LINGO1: variants seen among roughly 807,000 people sequenced by gnomAD.
LINGO1 encodes leucine-rich repeat and immunoglobulin-like domain-containing nogo receptor-interacting protein 1.
In LINGO1, 11 loss-of-function variants were observed where a neutral mutation model predicts 37.3. The observed-to-expected ratio is 0.29, with a 90% CI of 0.19 to 0.49. LINGO1 has a LOEUF of 0.49. Ranked by LOEUF, LINGO1 falls within the 20% of genes least tolerant of loss-of-function variation. The pLI is 0.99. For missense variants in LINGO1, 585 were observed against 878.2 expected (o/e 0.67, Z 4.22); for synonymous variants, 387 against 403.0 (o/e 0.96, Z 0.48).
At chr15:77,654,928 G>A (rs753389809) in intron 3 of LINGO1, among the ~76,000 whole-genome samples, 11 of 152,142 alleles carry the variant, frequency 7.2e-5, no homozygotes, top group East Asian at 1.9e-4. Flanking sequence ...GATGCTCCAC[G>A]CCCCCGCCCT....
intron 1 of LINGO1, among the ~76,000 whole-genome samples, chr15:77,807,621 C>A (rs893683844): frequency 6.6e-6 from 1 of 152,240 alleles, no homozygotes; most frequent in African/African-American, 2.4e-5. Flanking sequence ...CTCCCAGGAC[C>A]ACAGCAGCAG....
intron 1 of LINGO1, among the ~76,000 whole-genome samples, chr15:77,817,692 G>A (rs1293378981): frequency 6.6e-6 from 1 of 152,126 alleles, no homozygotes; most frequent in Non-Finnish European, 1.5e-5. Flanking sequence ...GCAGGAGCCC[G>A]CCTGCCAGGT....
chr15:77,758,721 A>C (rs2076445083), intron 1 of LINGO1, among the ~76,000 whole-genome samples: 1 of 152,118 alleles, frequency 6.6e-6, no homozygotes, highest in Non-Finnish European at 1.5e-5. Flanking sequence ...CATCTGAAAA[A>C]CAATGAGACT....
At chr15:77,766,142 G>A (rs28498563) in intron 1 of LINGO1, among the ~76,000 whole-genome samples, 4,946 of 151,934 alleles carry the variant, frequency 0.033, 264 homozygotes, top group African/African-American at 0.11. Context: ...AAAAACAAGT[G>A]GCTGGGTCAG....
intron 1 of LINGO1, among the ~76,000 whole-genome samples, chr15:77,692,788 G>A (rs2075626715): frequency 6.6e-6 from 1 of 152,214 alleles, no homozygotes; most frequent in South Asian, 2.1e-4. Flanking sequence ...GCTGCCTGCA[G>A]TGCTCCAGCC....
In LINGO1 at chr15:77,682,277, AGTGTGTGTGT is replaced by A. The variant is rs10581838; in HGVS notation, c.-98-5113_-98-5104del. 7.9e-5 allele frequency among the ~76,000 whole-genome samples: 11 copies of A among 139,832 alleles called. No homozygotes were observed. In the South Asian group the frequency reaches 2.7e-3, roughly 34 times the overall value. 91.7% of individuals were successfully genotyped at this position (139,832 alleles called of 152,430 possible). On this transcript the variant is annotated intron_variant, in intron 2 of 3. Transcript: ENST00000559893. ...ATACTCATATGGCAGTAGAGATTAAAGTGTGTGTGTGTGTGTGTGTGTGTGTGTGTGTGTG... is the reference window on the plus strand; with the variant it reads ...ATACTCATATGGCAGTAGAGATTAAAGTGTGTGTGTGTGTGTGTGTGTGTG...
intron 3 of LINGO1, among the ~76,000 whole-genome samples, chr15:77,653,007 G>T (rs559798619): frequency 1.3e-5 from 2 of 152,352 alleles, no homozygotes; most frequent in Non-Finnish European, 2.9e-5. Flanking sequence ...AGCCACCTCA[G>T]ATTGGGAAGG....
At chr15:77,800,517 C>T (rs2076909697) in intron 1 of LINGO1, among the ~76,000 whole-genome samples, 2 of 152,194 alleles carry the variant, frequency 1.3e-5, no homozygotes, top group Admixed American at 6.6e-5. Flanking sequence ...CACCCCTCCC[C>T]TCCCCCAGAG....
At chr15:77,660,940 C>T (rs145520415) in intron 3 of LINGO1, among the ~76,000 whole-genome samples, 4 of 152,240 alleles carry the variant, frequency 2.6e-5, no homozygotes, top group Non-Finnish European at 4.4e-5. Context: ...CTGGGCACTG[C>T]AGGGAGAGTT....
At chr15:77,794,290 GTATGTATATATATACATA>G in intron 2 of LINGO1, among the ~76,000 whole-genome samples, 1 of 71,576 alleles carries the variant, frequency 1.4e-5, no homozygotes, top group African/African-American at 4.9e-5. Context: ...ATATATATAT[GTATGTATATATATACATA>G]TATGTGTATA....
Position 77,810,006 on chromosome 15 carries a change from A to C in LINGO1, c.-458+10252T>G, listed in dbSNP as rs2076990536. On this transcript the variant is annotated intron_variant, in intron 1 of 5. Transcript: ENST00000562933. Reference sequence around the variant, plus strand: ...CTCCCACTCTGGCTGCCTTTCTCCCAGTGGCCTCTCCCACCCTCCTCCCCC... The same window carrying C: ...CTCCCACTCTGGCTGCCTTTCTCCCCGTGGCCTCTCCCACCCTCCTCCCCC... 2.6e-5 allele frequency among the ~76,000 whole-genome samples: 4 copies of C among 151,812 alleles called. No homozygotes were observed. In the South Asian group the frequency reaches 8.3e-4, roughly 32 times the overall value.
intron 2 of LINGO1, among the ~76,000 whole-genome samples, chr15:77,728,174 G>A (rs2076121202): frequency 1.3e-5 from 2 of 152,198 alleles, no homozygotes; most frequent in Admixed American, 1.3e-4. Context: ...TCCTGGCCCG[G>A]CCAGGTCTGG....
At chr15:77,636,631 G>C (rs781229441), upstream of LINGO1, among the ~76,000 whole-genome samples, 1 of 152,084 alleles carries the variant, frequency 6.6e-6, no homozygotes, top group East Asian at 1.9e-4. Context: ...TGACCTTGAG[G>C]GGGTCACAGC....
At chr15:77,817,024 A>G (rs2077053723) in intron 1 of LINGO1, among the ~76,000 whole-genome samples, 1 of 132,780 alleles carries the variant, frequency 7.5e-6, no homozygotes, top group Non-Finnish European at 1.7e-5. Flanking sequence ...GGCCATGATC[A>G]GCCAGAGCCA....
upstream of LINGO1, among the ~76,000 whole-genome samples, chr15:77,701,453 C>T (rs1175122566): frequency 6.6e-6 from 1 of 152,094 alleles, no homozygotes; most frequent in Admixed American, 6.5e-5. Flanking sequence ...GGGTGGGAAC[C>T]CCGGAGGCCC....
intron 3 of LINGO1, among the ~76,000 whole-genome samples, chr15:77,658,036 C>T (rs906334574): frequency 3.3e-5 from 5 of 152,174 alleles, no homozygotes; most frequent in Non-Finnish European, 7.3e-5. Context: ...GCTTGGCAGT[C>T]GGCACCATCA....
rs144893060 is a variant in LINGO1 at position 77,659,154 on chromosome 15, C to T, written c.-13+17935G>A. On this transcript the variant is annotated intron_variant, in intron 3 of 3. Transcript: ENST00000559893. The stretch of plus-strand genomic sequence containing the variant: ...CGTAGGGCAATGGGAGCCACTGAAG[C>T]GTATAAGCAGGGCTTGATGGGGTTA... Among the ~76,000 whole-genome samples the T allele has an allele frequency of 3.2e-3, 488 of 152,224 alleles. 3 individuals carry two copies. The highest frequency in any genetic ancestry group is 0.011 in the African/African-American group (474 of 41,538).
chr15:77,620,381 C>T (rs561739196), intron 1 of LINGO1, among the ~76,000 whole-genome samples: 1 of 152,342 alleles, frequency 6.6e-6, no homozygotes, highest in South Asian at 2.1e-4. Flanking sequence ...GGACACTGAG[C>T]CATCAGACCA....
chr15:77,771,395 C>T (rs1187911947), intron 1 of LINGO1, among the ~76,000 whole-genome samples: 1 of 151,976 alleles, frequency 6.6e-6, no homozygotes, highest in African/African-American at 2.4e-5. Context: ...CTGACTCCGG[C>T]ACATTGATGT....
Sources: gnomAD v4.1 joint callset for allele counts (sites outside exome capture counted in the v4.1 genomes callset) on GRCh38, gnomAD v4.1.1 for gene constraint, MANE v1.5 for transcripts, NCBI Gene and HGNC (gene_info 2026-07-23, HGNC 2026-07-21) for gene names.